CALN1: variants seen among roughly 807,000 people sequenced by gnomAD.
CALN1 encodes calcium-binding protein 8.
In CALN1, 17 loss-of-function variants were observed where a neutral mutation model predicts 30.6. That is an observed-to-expected ratio of 0.56 (90% CI 0.38 to 0.83). The LOEUF (loss-of-function observed/expected upper bound fraction) is 0.83. Among genes scored for constraint, CALN1 ranks in the 40% least tolerant of loss-of-function variants. The pLI is 0.00. For synonymous variants in CALN1, 156 were observed against 131.4 expected, an observed-to-expected ratio of 1.19 and a Z score of -1.28; for missense variants, 291 against 354.9, an observed-to-expected ratio of 0.82 and a Z score of 1.45.
At chr7:72,461,566 A>G in the CALN1 span, among the ~76,000 whole-genome samples, 1 of 152,184 alleles carries the variant, frequency 6.6e-6, no homozygotes, top group Non-Finnish European at 1.5e-5. Flanking sequence ...CAAACAACCA[A>G]AAACAGCATG....
chr7:72,017,597 G>C (rs1800471323), intron 5 of CALN1, among the ~76,000 whole-genome samples: 1 of 152,084 alleles, frequency 6.6e-6, no homozygotes, highest in Non-Finnish European at 1.5e-5. Flanking sequence ...CAAAAGTCCT[G>C]AGCATGCAAA....
chr7:72,022,754 A>G (rs1331457508), intron 5 of CALN1, among the ~76,000 whole-genome samples: 1 of 152,098 alleles, frequency 6.6e-6, no homozygotes, highest in Non-Finnish European at 1.5e-5. Context: ...TAAAACCCAC[A>G]AGCACTGATA....
intron 5 of CALN1, among the ~76,000 whole-genome samples, chr7:72,009,094 T>C (rs1799933123): frequency 6.6e-6 from 1 of 152,134 alleles, no homozygotes; most frequent in Non-Finnish European, 1.5e-5. Context: ...TATCAAATAA[T>C]CACCTCAAAA....
rs1792884628 is a variant in CALN1 at position 71,784,520 on chromosome 7, C to T, written c.*3255G>A. 3.4e-6 allele frequency: 1 copy of T among 297,246 alleles called. No homozygotes were observed. The highest frequency in any genetic ancestry group is 6.2e-6 in the Non-Finnish European group (1 of 162,360). The allele number at this position is 297,246 out of a possible 1,614,324, so 18.4% of individuals were successfully genotyped here. A position where few individuals can be genotyped will look rare whatever the true frequency, so the allele number is the denominator to read the frequency against. ...CCCGATGCTAGATTCTGTCTGGGGG[C>T]TTTGTGGGTATCTGGAAAGGTGGGG... On this transcript the variant is annotated 3_prime_UTR_variant, in exon 7 of 7. Transcript: ENST00000395275.
chr7:72,275,208 C>T lies in CALN1; in HGVS notation c.244+3478G>A, dbSNP rs140900774. Among the ~76,000 whole-genome samples the T allele has an allele frequency of 3.3e-3, 504 of 152,192 alleles. 4 individuals are homozygous for T. The highest frequency in any genetic ancestry group is 0.011 in the African/African-American group (465 of 41,536). On this transcript the variant is annotated intron_variant, in intron 3 of 6. Transcript: ENST00000395275. ...GGCAGCCAGACCACAAAGGATGCTG[C>T]GATGTCCATCAGTGTCCAACACATC...
chr7:71,830,601 G>C (rs1398775826), intron 5 of CALN1, among the ~76,000 whole-genome samples: 1 of 152,098 alleles, frequency 6.6e-6, no homozygotes, highest in Non-Finnish European at 1.5e-5. Flanking sequence ...ACCTGCCTCG[G>C]CCTCCCAAAG....
At chr7:72,273,375 T>C (rs1028780698) in intron 3 of CALN1, among the ~76,000 whole-genome samples, 4 of 147,058 alleles carry the variant, frequency 2.7e-5, no homozygotes, top group African/African-American at 7.5e-5. Flanking sequence ...TGAGCCAAGA[T>C]TGCACCACTG....
At chr7:71,811,364 C>T (rs1474943679) in intron 5 of CALN1, among the ~76,000 whole-genome samples, 2 of 152,026 alleles carry the variant, frequency 1.3e-5, no homozygotes, top group Non-Finnish European at 2.9e-5. Flanking sequence ...TGAGCCACTG[C>T]GCCTGTCTAA....
chr7:72,334,790 C>T (rs1438747688), intron 2 of CALN1, among the ~76,000 whole-genome samples: 1 of 152,196 alleles, frequency 6.6e-6, no homozygotes. Flanking sequence ...TTCATTACTC[C>T]ACTTGGATAC....
intron 3 of CALN1, among the ~76,000 whole-genome samples, chr7:72,146,134 G>A (rs969207972): frequency 2.6e-5 from 4 of 152,142 alleles, no homozygotes; most frequent in African/African-American, 7.2e-5. Context: ...CAATCAGGCA[G>A]GAGAAAGAAA....
chr7:71,982,686 G>A (rs796192491), intron 5 of CALN1, among the ~76,000 whole-genome samples: 12 of 152,240 alleles, frequency 7.9e-5, no homozygotes, highest in African/African-American at 2.6e-4. Flanking sequence ...AGTGAAATAG[G>A]AGTTAAGAAG....
chr7:72,269,620 C>A (rs910672178), intron 3 of CALN1, among the ~76,000 whole-genome samples: 1 of 152,180 alleles, frequency 6.6e-6, no homozygotes, highest in African/African-American at 2.4e-5. Flanking sequence ...TGGTCAGTTT[C>A]CACTGATTTG....
intron 2 of CALN1, among the ~76,000 whole-genome samples, chr7:72,372,919 T>A (rs1385123235): frequency 2.6e-5 from 4 of 152,136 alleles, no homozygotes; most frequent in African/African-American, 7.2e-5. Flanking sequence ...ACACATGGGA[T>A]GCCAAAATGA....
intron 3 of CALN1, among the ~76,000 whole-genome samples, chr7:72,247,553 C>T (rs1431114618): frequency 1.3e-5 from 2 of 152,094 alleles, no homozygotes; most frequent in South Asian, 2.1e-4. Flanking sequence ...CCGTGCCCGC[C>T]CTCAACAGGC....
At chr7:71,905,032 A>C in intron 5 of CALN1, among the ~76,000 whole-genome samples, 1 of 152,026 alleles carries the variant, frequency 6.6e-6, no homozygotes, top group Non-Finnish European at 1.5e-5. Flanking sequence ...TCTGCCTCCC[A>C]GGTTCAAGCA....
intron 2 of CALN1, among the ~76,000 whole-genome samples, chr7:72,279,608 A>C (rs1489727434): frequency 6.6e-6 from 1 of 152,242 alleles, no homozygotes; most frequent in East Asian, 1.9e-4. Context: ...TGCAAGGCTG[A>C]CTGGAGGCTC....
chr7:72,258,030 G>A (rs1051602268), intron 3 of CALN1, among the ~76,000 whole-genome samples: 1 of 152,100 alleles, frequency 6.6e-6, no homozygotes, highest in Non-Finnish European at 1.5e-5. Context: ...CTGCTTGGGT[G>A]ATGGGTGCAA....
At chr7:72,021,443 C>G (rs1421496516) in intron 5 of CALN1, among the ~76,000 whole-genome samples, 1 of 152,156 alleles carries the variant, frequency 6.6e-6, no homozygotes, top group African/African-American at 2.4e-5. Context: ...CCTTCATCTT[C>G]TGAACTCTGG....
At chr7:72,474,828 C>T in the CALN1 span, among the ~76,000 whole-genome samples, 1 of 152,202 alleles carries the variant, frequency 6.6e-6, no homozygotes, top group Non-Finnish European at 1.5e-5. Flanking sequence ...GTGCCCAGCA[C>T]GTGGGGCTGT....
Sources: gnomAD v4.1 joint callset for allele counts (sites outside exome capture counted in the v4.1 genomes callset) on GRCh38, gnomAD v4.1.1 for gene constraint, MANE v1.5 for transcripts, NCBI Gene and HGNC (gene_info 2026-07-23, HGNC 2026-07-21) for gene names.